Variants in PDK1 observed in about 807,000 individuals in gnomAD.
PDK1 encodes the protein [Pyruvate dehydrogenase (acetyl-transferring)] kinase isozyme 1, mitochondrial.
A neutral mutation model predicts 54.2 loss-of-function variants in PDK1; 39 were observed. The ratio of observed to expected loss-of-function variants is 0.72; its 90% CI spans 0.56 to 0.94. PDK1 has a LOEUF of 0.94. Ranked by LOEUF, PDK1 falls within the 40% of genes least tolerant of loss-of-function variation. PDK1 has a pLI of 0.00. For missense variants in PDK1, 552 were observed against 566.0 expected (o/e 0.98, Z 0.25); for synonymous variants, 221 against 207.1 (o/e 1.07, Z -0.58).
intron 6 of PDK1, among the ~76,000 whole-genome samples, chr2:172,568,348 A>G (rs113237922): frequency 5.4e-4 from 81 of 151,042 alleles, no homozygotes; most frequent in African/African-American, 1.3e-3. Context: ...AAAAAAAAAA[A>G]AAGAAGAAGA....
At chr2:172,612,331 A>G (rs961827138), downstream of PDK1, among the ~76,000 whole-genome samples, 1 of 152,266 alleles carries the variant, frequency 6.6e-6, no homozygotes, top group Admixed American at 6.5e-5. Flanking sequence ...TTGTTTAGAC[A>G]TAAGCCTCTA....
chr2:172,723,927 T>C, the PDK1 span: 1 of 152,214 alleles, frequency 6.6e-6, no homozygotes, highest in Non-Finnish European at 1.5e-5. Context: ...CTTACAACTT[T>C]CCTGTAGGTT....
intron 8 of PDK1, among the ~76,000 whole-genome samples, chr2:172,574,760 T>G (rs970466531): frequency 2.0e-5 from 3 of 152,228 alleles, no homozygotes; most frequent in Non-Finnish European, 4.4e-5. Flanking sequence ...CTGATTTTTT[T>G]GTACTGATCT....
At chr2:172,641,114 CCTCTCTCTTT>C in the PDK1 span, among the ~76,000 whole-genome samples, 6 of 116,428 alleles carry the variant, frequency 5.2e-5, no homozygotes, top group Non-Finnish European at 6.7e-5. Context: ...TTCCTTCCTT[CCTCTCTCTTT>C]CTCTCTCTTT....
chr2:172,721,820 C>T, the PDK1 span, among the ~76,000 whole-genome samples: 2 of 152,330 alleles, frequency 1.3e-5, no homozygotes, highest in South Asian at 4.1e-4. Context: ...CACCCAAGTG[C>T]TATCATCATT....
chr2:172,717,439 T>C, the PDK1 span, among the ~76,000 whole-genome samples: 1 of 152,274 alleles, frequency 6.6e-6, no homozygotes, highest in African/African-American at 2.4e-5. Flanking sequence ...TAATTGGTTG[T>C]GTAATAACAG....
the PDK1 span, chr2:172,723,187 T>C: frequency 6.6e-6 from 1 of 152,116 alleles, no homozygotes; most frequent in Non-Finnish European, 1.5e-5. Flanking sequence ...ACAGACCCCT[T>C]CTTTCTGCTG....
chr2:172,692,011 T>A, the PDK1 span, among the ~76,000 whole-genome samples: 5 of 152,330 alleles, frequency 3.3e-5, no homozygotes, highest in African/African-American at 9.6e-5. Context: ...GCTGGATTTC[T>A]CCCCTTTGGC....
chr2:172,676,025 G>T, the PDK1 span, among the ~76,000 whole-genome samples: 1 of 151,966 alleles, frequency 6.6e-6, no homozygotes, highest in African/African-American at 2.4e-5. Flanking sequence ...ATGCTCAGAT[G>T]ACAGCACATC....
At chr2:172,693,574 T>C in the PDK1 span, among the ~76,000 whole-genome samples, 2 of 152,208 alleles carry the variant, frequency 1.3e-5, no homozygotes, top group Non-Finnish European at 1.5e-5. Flanking sequence ...TTTGTTTCTA[T>C]GGCATTAGAG....
Position 172,606,107 on chromosome 2 carries a change from A to G in PDK1, c.*10138A>G, listed in dbSNP as rs1691284566. ...CTTGGATAGCATAGTCCTATGACCAAATGGGTCAGTCGTTGATCAGGCTTC... is the reference window on the plus strand; with the variant it reads ...CTTGGATAGCATAGTCCTATGACCAGATGGGTCAGTCGTTGATCAGGCTTC... On this transcript the variant is annotated 3_prime_UTR_variant, in exon 11 of 11. Transcript: ENST00000282077. 6.6e-6 allele frequency: 1 copy of G among 152,222 alleles called. No homozygotes were observed. Among genetic ancestry groups the G allele is most frequent in the Non-Finnish European group, 1.5e-5 (1 of 68,052 alleles). 9.4% of individuals were successfully genotyped at this position (152,222 alleles called of 1,614,324 possible). A position where few individuals can be genotyped will look rare whatever the true frequency, so the allele number is the denominator to read the frequency against.
At chr2:172,635,083 A>G in the PDK1 span, among the ~76,000 whole-genome samples, 1 of 152,210 alleles carries the variant, frequency 6.6e-6, no homozygotes, top group South Asian at 2.1e-4. Context: ...GTTTAAGTCT[A>G]CAATATCACT....
intron 5 of PDK1, among the ~76,000 whole-genome samples, chr2:172,566,650 G>A (rs192504641): frequency 6.1e-4 from 89 of 146,806 alleles, no homozygotes; most frequent in African/African-American, 2.1e-3. Flanking sequence ...GAGCCTGGGA[G>A]TTGGAGACAA....
At chr2:172,671,521 T>G in the PDK1 span, among the ~76,000 whole-genome samples, 1 of 150,874 alleles carries the variant, frequency 6.6e-6, no homozygotes, top group Non-Finnish European at 1.5e-5. Context: ...AGGATTATAA[T>G]ACTTCTTCCC....
the PDK1 span, among the ~76,000 whole-genome samples, chr2:172,675,591 G>A: frequency 6.6e-6 from 1 of 152,214 alleles, no homozygotes; most frequent in Non-Finnish European, 1.5e-5. Context: ...GCTGAGAGAG[G>A]TGAGGAAGCT....
the PDK1 span, among the ~76,000 whole-genome samples, chr2:172,684,394 C>T: frequency 5.3e-5 from 8 of 151,816 alleles, no homozygotes; most frequent in Non-Finnish European, 1.0e-4. Flanking sequence ...TGCACTCCAG[C>T]CTGGGCAACA....
rs148646668 is a variant in PDK1 at position 172,566,873 on chromosome 2, A to G, written c.709A>G (p.Arg237Gly). Residue 237 changes from arginine to glycine, a missense_variant, in exon 6 of 11, where the codon AGG becomes GGG. Coordinates refer to ENST00000282077, the MANE Select transcript of PDK1 (RefSeq NM_002610.5). The stretch of plus-strand genomic sequence containing the variant: ...CACACTAGATGGCTATGAAAATGCT[A>G]GGCGTCTGTGTGATTTGTATTATAT... ...EVIKDGYENA[R>G]RLCDLYYINS... is the part of the protein sequence containing the mutation. 1.9e-5 allele frequency: 30 copies of G among 1,609,934 alleles called. No homozygotes were observed. The Admixed American group carries it at 4.7e-4, about 25-fold the overall frequency.
chr2:172,562,195 C>T (rs766035836), intron 2 of PDK1, 25 bp from the exon 3 acceptor site: 1 of 1,299,386 alleles, frequency 7.7e-7, no homozygotes, highest in East Asian at 2.3e-5. Flanking sequence ...AAAGAACAAA[C>T]TTATCCTATT....
chr2:172,640,864 G>A, the PDK1 span, among the ~76,000 whole-genome samples: 2 of 152,256 alleles, frequency 1.3e-5, no homozygotes, highest in East Asian at 1.9e-4. Context: ...GTAGCCTTGA[G>A]AATGAAAATC....
Sources: allele counts gnomAD v4.1 joint callset (sites outside exome capture counted in the v4.1 genomes callset), GRCh38; gene constraint gnomAD v4.1.1; transcripts MANE v1.5; gene names NCBI Gene and HGNC (gene_info 2026-07-23, HGNC 2026-07-21).